SLC2A9: variants seen among roughly 807,000 people sequenced by gnomAD.
SLC2A9 encodes the protein solute carrier family 2 member 9.
Under a neutral mutation model 50.6 loss-of-function variants are expected in SLC2A9, and 39 were observed. The observed-to-expected ratio is 0.77, with a 90% CI of 0.60 to 1.01. The LOEUF is 1.01. SLC2A9 is among the 50% of genes least tolerant of loss of function. The probability of loss-of-function intolerance (pLI) is 0.00; values close to 1 mark genes in which losing one functional copy is unlikely to be tolerated. For missense variants in SLC2A9, 686 were observed against 677.6 expected (o/e 1.01, Z -0.14); for synonymous variants, 324 against 276.9 (o/e 1.17, Z -1.69).
intron 10 of SLC2A9, among the ~76,000 whole-genome samples, chr4:9,845,346 A>G (rs1323995292): frequency 6.6e-6 from 1 of 151,816 alleles, no homozygotes; most frequent in Non-Finnish European, 1.5e-5. Context: ...TTTGAATAAA[A>G]GAAATAAAGG....
chr4:9,783,626 G>A (rs1718829677), intron 3 of SLC2A9: 3 of 708,436 alleles, frequency 4.2e-6, no homozygotes, highest in African/African-American at 1.8e-5. Flanking sequence ...TTGGTAGTTC[G>A]AAGAATTGGC....
At position 9,891,013 on chromosome 4, in the gene SLC2A9, G is replaced by C. The variant is rs572290410; in HGVS notation, c.1114-302C>G. ...GGGAGTCTGGGAGAAGGAACTGGAT[G>C]GATATGGTCACCACAGCCCTTCTCC... is the stretch of plus-strand genomic sequence containing the variant. On this transcript the variant is annotated intron_variant, in intron 8 of 11. Transcript: ENST00000264784. Among the ~76,000 whole-genome samples, 32 of 152,332 alleles carry C rather than the reference G, an allele frequency of 2.1e-4. No individual in the cohort carries two copies. The South Asian group carries it at 6.0e-3, about 29-fold the overall frequency.
At chr4:9,868,594 G>A (rs1205971296) in intron 10 of SLC2A9, among the ~76,000 whole-genome samples, 3 of 152,180 alleles carry the variant, frequency 2.0e-5, no homozygotes, top group Non-Finnish European at 4.4e-5. Context: ...CACCCCAGTT[G>A]TCACCTGTTG....
downstream of SLC2A9, among the ~76,000 whole-genome samples, chr4:9,794,149 C>CTT (rs1376089385): frequency 4.6e-3 from 674 of 146,448 alleles, 12 homozygotes; most frequent in African/African-American, 0.016. Flanking sequence ...TCATTAATTC[C>CTT]TTTTTTTTGT....
At chr4:9,854,720 C>T (rs986281528) in intron 10 of SLC2A9, among the ~76,000 whole-genome samples, 1 of 152,084 alleles carries the variant, frequency 6.6e-6, no homozygotes, top group Non-Finnish European at 1.5e-5. Flanking sequence ...TCAACAAAAT[C>T]CTAGCAAACC....
upstream of SLC2A9, among the ~76,000 whole-genome samples, chr4:10,023,538 G>A (rs1483249851): frequency 6.6e-6 from 1 of 152,184 alleles, no homozygotes; most frequent in African/African-American, 2.4e-5. Flanking sequence ...CCTCTGTTGG[G>A]TTTGAAAACT....
intron 3 of SLC2A9, among the ~76,000 whole-genome samples, chr4:9,801,921 TC>T (rs1342133053): frequency 1.3e-5 from 2 of 152,180 alleles, no homozygotes; most frequent in African/African-American, 4.8e-5. Context: ...ACTCAGGGGA[TC>T]ACTTAATGCT....
chr4:9,869,728 A>T (rs547912078), intron 10 of SLC2A9, among the ~76,000 whole-genome samples: 2 of 152,364 alleles, frequency 1.3e-5, no homozygotes, highest in South Asian at 4.2e-4. Context: ...GACAGTAAGT[A>T]GGTGTCCAAT....
At chr4:9,885,239 AC>A (rs1560238714) in intron 10 of SLC2A9, among the ~76,000 whole-genome samples, 2 of 152,066 alleles carry the variant, frequency 1.3e-5, no homozygotes, top group Non-Finnish European at 2.9e-5. Flanking sequence ...CCTCCTGCCT[AC>A]CCCTGCTCTC....
intron 3 of SLC2A9, among the ~76,000 whole-genome samples, chr4:9,808,915 C>T (rs1246174107): frequency 6.6e-6 from 1 of 152,232 alleles, no homozygotes; most frequent in Non-Finnish European, 1.5e-5. Context: ...CTGGCTTGGA[C>T]TGTACCTGGG....
upstream of SLC2A9, chr4:10,026,154 T>C: frequency 1.6e-6 from 1 of 620,020 alleles, no homozygotes; most frequent in Non-Finnish European, 2.9e-6. Context: ...CATCCTCGCT[T>C]GGGCATCTCC....
intron 10 of SLC2A9, among the ~76,000 whole-genome samples, chr4:9,874,432 C>T (rs1261536350): frequency 2.0e-5 from 3 of 152,184 alleles, no homozygotes; most frequent in African/African-American, 4.8e-5. Flanking sequence ...TTACCCCACC[C>T]GTGAGCCAGT....
rs2109781162 is a variant in SLC2A9 at position 9,890,526 on chromosome 4, C to T, written c.1215+84G>A. 7 of 1,296,468 alleles carry T rather than the reference C, an allele frequency of 5.4e-6. No individual in the cohort carries two copies. The East Asian group carries it at 1.6e-4, about 30-fold the overall frequency. 80.3% of individuals were successfully genotyped at this position (1,296,468 alleles called of 1,614,324 possible). On this transcript the variant is annotated intron_variant, in intron 9 of 11. Coordinates refer to ENST00000264784, the MANE Select transcript of SLC2A9 (RefSeq NM_020041.3). ...AGTGTTTTCTGTAGAAGTATGAACCCACAAATCAAAGGCCCCAAAACGATG... is the reference window on the plus strand; with the variant it reads ...AGTGTTTTCTGTAGAAGTATGAACCTACAAATCAAAGGCCCCAAAACGATG...
At chr4:9,911,911 C>T (rs558332092) in intron 7 of SLC2A9, among the ~76,000 whole-genome samples, 3 of 152,140 alleles carry the variant, frequency 2.0e-5, no homozygotes, top group Admixed American at 6.6e-5. Flanking sequence ...CAATGATAGA[C>T]TGGATGAAGA....
At chr4:9,922,211 C>T (rs34450770) in intron 6 of SLC2A9, among the ~76,000 whole-genome samples, 27,478 of 152,012 alleles carry the variant, frequency 0.18, 3,481 homozygotes, top group East Asian at 0.66. Flanking sequence ...AGCAAACTAA[C>T]GCCGGAACAG....
At chr4:9,795,007 CTTTTTTTTT>C (rs3060726), downstream of SLC2A9, among the ~76,000 whole-genome samples, 6 of 95,190 alleles carry the variant, frequency 6.3e-5, 2 homozygotes, top group African/African-American at 8.2e-5. Context: ...TTAACCCATC[CTTTTTTTTT>C]TTTTTTTTTT....
intron 5 of SLC2A9, among the ~76,000 whole-genome samples, chr4:9,972,976 C>A (rs1578142296): frequency 6.6e-6 from 1 of 151,884 alleles, no homozygotes; most frequent in Non-Finnish European, 1.5e-5. Context: ...AAATTGAGAT[C>A]CAAAATCCAT....
chr4:9,872,191 G>A (rs1252755632), intron 10 of SLC2A9, among the ~76,000 whole-genome samples: 1 of 152,020 alleles, frequency 6.6e-6, no homozygotes, highest in African/African-American at 2.4e-5. Flanking sequence ...AGAGGGACAG[G>A]GACTTGTCCA....
chr4:9,834,048 T>C (rs1726631559), intron 11 of SLC2A9, among the ~76,000 whole-genome samples: 1 of 152,182 alleles, frequency 6.6e-6, no homozygotes, highest in Non-Finnish European at 1.5e-5. Context: ...CATATAGGCC[T>C]CTGGGTGGTT....
Sources: allele counts gnomAD v4.1 joint callset (sites outside exome capture counted in the v4.1 genomes callset), GRCh38; gene constraint gnomAD v4.1.1; transcripts MANE v1.5; gene names NCBI Gene and HGNC (gene_info 2026-07-23, HGNC 2026-07-21).